MEI4: variants seen among roughly 807,000 people sequenced by gnomAD.
MEI4 encodes the protein meiosis-specific protein MEI4.
MEI4 carries 27 observed loss-of-function variants against 31.4 expected under a neutral mutation model. The observed-to-expected ratio is 0.86, with a 90% CI of 0.63 to 1.19. The LOEUF (loss-of-function observed/expected upper bound fraction) is 1.19. Ranked by LOEUF, MEI4 falls within the 50% of genes most tolerant of loss-of-function variation. The probability of loss-of-function intolerance (pLI) is 0.00; values close to 1 mark genes in which losing one functional copy is unlikely to be tolerated. For missense variants in MEI4, 329 were observed against 398.9 expected, an observed-to-expected ratio of 0.82 and a Z score of 1.49; for synonymous variants, 122 against 145.4, an observed-to-expected ratio of 0.84 and a Z score of 1.16.
At chr6:77,809,427 A>G (rs570748368) in intron 3 of MEI4, among the ~76,000 whole-genome samples, 1 of 152,304 alleles carries the variant, frequency 6.6e-6, no homozygotes, top group African/African-American at 2.4e-5. Flanking sequence ...TAATTTCTTT[A>G]TATGTGAAAA....
intron 4 of MEI4, among the ~76,000 whole-genome samples, chr6:77,874,243 A>T (rs1771273452): frequency 6.6e-6 from 1 of 152,120 alleles, no homozygotes; most frequent in South Asian, 2.1e-4. Flanking sequence ...ATGAGCATGG[A>T]ATGTTCTTCC....
At chr6:77,824,010 T>A (rs1769887309) in intron 3 of MEI4, among the ~76,000 whole-genome samples, 1 of 152,224 alleles carries the variant, frequency 6.6e-6, no homozygotes, top group Non-Finnish European at 1.5e-5. Context: ...ATGGATCCCC[T>A]ATGGACTATC....
At chr6:77,737,750 A>G (rs981120893) in intron 2 of MEI4, among the ~76,000 whole-genome samples, 4 of 152,166 alleles carry the variant, frequency 2.6e-5, no homozygotes, top group African/African-American at 9.7e-5. Context: ...GAAGGGAGAG[A>G]TAGGATCAAT....
chr6:77,739,487 C>G (rs1176500412), intron 2 of MEI4, among the ~76,000 whole-genome samples: 1 of 152,116 alleles, frequency 6.6e-6, no homozygotes, highest in African/African-American at 2.4e-5. Context: ...AAACCAAGCA[C>G]TGCATGTTCT....
chr6:77,676,365 A>T (rs1387034052), intron 1 of MEI4, among the ~76,000 whole-genome samples: 1 of 152,020 alleles, frequency 6.6e-6, no homozygotes, highest in African/African-American at 2.4e-5. Context: ...TCTGTACAAC[A>T]AATAAAAAAA....
intron 4 of MEI4, among the ~76,000 whole-genome samples, chr6:77,879,731 A>G (rs1771432643): frequency 1.3e-5 from 2 of 152,182 alleles, no homozygotes; most frequent in Non-Finnish European, 2.9e-5. Context: ...CTGAGATGGT[A>G]TCTGTACAAG....
At chr6:77,825,234 C>A (rs139955835) in intron 3 of MEI4, among the ~76,000 whole-genome samples, 2 of 152,202 alleles carry the variant, frequency 1.3e-5, no homozygotes, top group African/African-American at 2.4e-5. Flanking sequence ...TTATGTTCTT[C>A]TTATTATTTA....
At chr6:77,726,670 C>A (rs1479860533) in intron 2 of MEI4, among the ~76,000 whole-genome samples, 1 of 151,944 alleles carries the variant, frequency 6.6e-6, no homozygotes, top group Non-Finnish European at 1.5e-5. Flanking sequence ...AAATCTACAC[C>A]AGTTGTGTGT....
intron 3 of MEI4, among the ~76,000 whole-genome samples, chr6:77,801,006 T>A (rs1425677615): frequency 6.6e-6 from 1 of 151,994 alleles, no homozygotes; most frequent in African/African-American, 2.4e-5. Flanking sequence ...GCTGGCCTCA[T>A]AAAATGAGTT....
intron 4 of MEI4, among the ~76,000 whole-genome samples, chr6:77,841,004 C>G (rs1019988571): frequency 3.3e-5 from 5 of 151,882 alleles, no homozygotes; most frequent in African/African-American, 1.2e-4. Context: ...GAAAGAAATG[C>G]TAAAAGCAGT....
chr6:77,738,104 A>C (rs1274542898), intron 2 of MEI4, among the ~76,000 whole-genome samples: 1 of 152,220 alleles, frequency 6.6e-6, no homozygotes, highest in Non-Finnish European at 1.5e-5. Flanking sequence ...AAAGCACAGC[A>C]AGGAGGAAGG....
chr6:77,797,900 G>A (rs4708371), intron 3 of MEI4, among the ~76,000 whole-genome samples: 31,887 of 151,804 alleles, frequency 0.21, 3,805 homozygotes, highest in African/African-American at 0.32. Flanking sequence ...AGCTATCCAG[G>A]CATCCTTCAA....
intron 4 of MEI4, among the ~76,000 whole-genome samples, chr6:77,900,655 AGACT>A (rs1378897650): frequency 6.6e-6 from 1 of 151,986 alleles, no homozygotes; most frequent in Non-Finnish European, 1.5e-5. Context: ...TGGTAATTGG[AGACT>A]GACGATAAAA....
At chr6:77,701,306 C>G (rs981410248) in intron 2 of MEI4, among the ~76,000 whole-genome samples, 1 of 152,114 alleles carries the variant, frequency 6.6e-6, no homozygotes, top group African/African-American at 2.4e-5. Flanking sequence ...ATGTTAGTGG[C>G]TGTTTCTAAA....
At chr6:77,736,008 C>T (rs371909044) in intron 2 of MEI4, among the ~76,000 whole-genome samples, 21 of 151,648 alleles carry the variant, frequency 1.4e-4, no homozygotes, top group African/African-American at 3.9e-4. Context: ...TCTCCAGCTG[C>T]GTGCTGGGAG....
At chr6:77,878,596 TTTTCA>T (rs1460682577) in intron 4 of MEI4, among the ~76,000 whole-genome samples, 2 of 152,092 alleles carry the variant, frequency 1.3e-5, no homozygotes, top group Non-Finnish European at 2.9e-5. Flanking sequence ...ATAATGAATG[TTTTCA>T]TTTCAAATGA....
chr6:77,836,760 CAT>C (rs1770227419), intron 4 of MEI4, among the ~76,000 whole-genome samples: 1 of 152,082 alleles, frequency 6.6e-6, no homozygotes, highest in Non-Finnish European at 1.5e-5. Context: ...TGAAATTATA[CAT>C]GTCTTGATCA....
intron 4 of MEI4, among the ~76,000 whole-genome samples, chr6:77,875,137 C>T (rs376576515): frequency 1.3e-5 from 2 of 152,162 alleles, no homozygotes; most frequent in Non-Finnish European, 2.9e-5. Context: ...CTTCAGCTTC[C>T]TTGAGGGTCC....
Position 77,789,338 on chromosome 6 carries a change from G to A in MEI4, c.768+27673G>A, listed in dbSNP as rs1041831595. 6.6e-5 allele frequency among the ~76,000 whole-genome samples: 10 copies of A among 152,252 alleles called. No homozygotes were observed. The East Asian group carries it at 1.9e-3, about 29-fold the overall frequency. ...CCTAGGCAATACCATTCAAGACATAGGCATGGGCAAGGACTTCATGTCTAT... is the reference window on the plus strand; with the variant it reads ...CCTAGGCAATACCATTCAAGACATAAGCATGGGCAAGGACTTCATGTCTAT... On this transcript the variant is annotated intron_variant, in intron 3 of 4. Transcript: ENST00000684080.
Sources: gnomAD v4.1 joint callset for allele counts (sites outside exome capture counted in the v4.1 genomes callset) on GRCh38, gnomAD v4.1.1 for gene constraint, MANE v1.5 for transcripts, NCBI Gene and HGNC (gene_info 2026-07-23, HGNC 2026-07-21) for gene names.